RORA: variants seen among roughly 807,000 people sequenced by gnomAD.
The protein encoded by RORA is nuclear receptor ROR-alpha.
RORA carries 7 observed loss-of-function variants against 69.5 expected under a neutral mutation model. The observed-to-expected ratio is 0.10, with a 90% CI of 0.06 to 0.19. The LOEUF (loss-of-function observed/expected upper bound fraction) is 0.19. Among genes scored for constraint, RORA ranks in the 10% least tolerant of loss-of-function variants. The pLI is 1.00. For missense variants in RORA, 457 were observed against 663.0 expected (o/e 0.69, Z 3.41); for synonymous variants, 261 against 240.8 (o/e 1.08, Z -0.78).
intron 1 of RORA, among the ~76,000 whole-genome samples, chr15:61,188,331 T>C (rs1346561234): frequency 6.6e-6 from 1 of 152,190 alleles, no homozygotes; most frequent in Admixed American, 6.5e-5. Flanking sequence ...GGTGTGGCTG[T>C]GTTCGAATAA....
At chr15:60,769,919 C>G (rs1204954038) in intron 1 of RORA, among the ~76,000 whole-genome samples, 1 of 152,166 alleles carries the variant, frequency 6.6e-6, no homozygotes, top group East Asian at 1.9e-4. Flanking sequence ...AAATTATGCT[C>G]TATTATTTCC....
chr15:61,026,888 G>A (rs567639194), intron 1 of RORA, among the ~76,000 whole-genome samples: 31 of 152,076 alleles, frequency 2.0e-4, no homozygotes, highest in Admixed American at 5.9e-4. Context: ...CATAAAATAC[G>A]TTGTATTTTC....
At chr15:61,004,586 C>G (rs991984473) in intron 1 of RORA, among the ~76,000 whole-genome samples, 8 of 152,094 alleles carry the variant, frequency 5.3e-5, no homozygotes, top group African/African-American at 1.9e-4. Context: ...GGAGGGTACT[C>G]TGAACCCCCA....
chr15:60,717,796 C>CTTTTTTTTTTTTTTTTTTTTTTTTTCTTT (rs10653856), intron 1 of RORA, among the ~76,000 whole-genome samples: 3 of 91,974 alleles, frequency 3.3e-5, no homozygotes, highest in Admixed American at 1.3e-4. Flanking sequence ...TTCTTTTTCT[C>CTTTTTTTTTTTTTTTTTTTTTTTTTCTTT]TTTTTTTTTT....
At chr15:60,763,065 A>ATTTTTTTTTTTTTTTTTTTTTTTTTTTT (rs374433414) in intron 1 of RORA, among the ~76,000 whole-genome samples, 1 of 48,372 alleles carries the variant, frequency 2.1e-5, no homozygotes. Context: ...ATATGCACAG[A>ATTTTTTTTTTTTTTTTTTTTTTTTTTTT]TTTTTTTTTT....
At chr15:60,668,404 G>A (rs1265482857) in intron 2 of RORA, among the ~76,000 whole-genome samples, 1 of 152,200 alleles carries the variant, frequency 6.6e-6, no homozygotes, top group Non-Finnish European at 1.5e-5. Context: ...ACCAGGAAAA[G>A]AGCTGCTATT....
chr15:61,115,038 G>A lies in RORA; in HGVS notation c.166+114015C>T, dbSNP rs2079038047. Among the ~76,000 whole-genome samples, 3 of 152,198 alleles carry A rather than the reference G, an allele frequency of 2.0e-5. No individual in the cohort carries two copies. In the South Asian group the frequency reaches 6.2e-4, roughly 32 times the overall value. On this transcript the variant is annotated intron_variant, in intron 1 of 10. Transcript: ENST00000335670. Reference sequence around the variant, plus strand: ...TTATGTGAAAGATAGAGCAGAACATGTTGCGTGTACAGTAGGCACTATTTG... The same window carrying A: ...TTATGTGAAAGATAGAGCAGAACATATTGCGTGTACAGTAGGCACTATTTG...
intron 2 of RORA, among the ~76,000 whole-genome samples, chr15:60,551,990 G>A (rs2067239308): frequency 6.6e-6 from 1 of 152,214 alleles, no homozygotes; most frequent in African/African-American, 2.4e-5. Context: ...AGTGTAGGTG[G>A]TTGAACTTCG....
At chr15:60,702,478 C>T (rs569398974) in intron 1 of RORA, among the ~76,000 whole-genome samples, 66 of 152,110 alleles carry the variant, frequency 4.3e-4, no homozygotes, top group African/African-American at 6.0e-4. Flanking sequence ...GTGATCCGCC[C>T]GCCTCGGCCT....
At chr15:61,186,935 T>C (rs1159965631) in intron 1 of RORA, among the ~76,000 whole-genome samples, 1 of 152,210 alleles carries the variant, frequency 6.6e-6, no homozygotes, top group Non-Finnish European at 1.5e-5. Flanking sequence ...TGGCTTCTCT[T>C]GGGAAATGGC....
intron 1 of RORA, among the ~76,000 whole-genome samples, chr15:60,855,134 A>G (rs530479097): frequency 4.6e-5 from 7 of 152,346 alleles, no homozygotes; most frequent in Admixed American, 2.0e-4. Flanking sequence ...TAGCCCGCAT[A>G]TAACTTCTTG....
chr15:60,970,293 C>T (rs1361486633), intron 1 of RORA, among the ~76,000 whole-genome samples: 1 of 152,252 alleles, frequency 6.6e-6, no homozygotes. Context: ...ACTCAGCATG[C>T]TCTCTGGTTC....
rs553770660 is a variant in RORA, at chr15:60,888,187, T to C, written c.167-209501A>G. On this transcript the variant is annotated intron_variant, in intron 1 of 10. Transcript: ENST00000335670. Reference sequence around the variant, plus strand: ...CAACACTTCAATGGAGCAAGGGCTTTCTGTTGTTGTTGTACCTGCCCTCTT... The same window carrying C: ...CAACACTTCAATGGAGCAAGGGCTTCCTGTTGTTGTTGTACCTGCCCTCTT... Among the ~76,000 whole-genome samples the C allele has an allele frequency of 4.1e-4, 63 of 152,342 alleles. 1 individual carries two copies. Among genetic ancestry groups the C allele is most frequent in the African/African-American group, 1.5e-3 (63 of 41,582 alleles).
At chr15:60,671,066 TGATATATATA>T (rs1286086837) in intron 2 of RORA, among the ~76,000 whole-genome samples, 1 of 18,516 alleles carries the variant, frequency 5.4e-5, no homozygotes, top group Admixed American at 8.9e-4. Flanking sequence ...TATATCCCAT[TGATATATATA>T]TATATATATA....
At chr15:60,798,314 T>C (rs1014056293) in intron 1 of RORA, among the ~76,000 whole-genome samples, 8 of 151,874 alleles carry the variant, frequency 5.3e-5, no homozygotes, top group African/African-American at 1.5e-4. Flanking sequence ...ATTTTACCTA[T>C]GAAATATACT....
At chr15:60,523,046 A>C (rs1039595761) in intron 3 of RORA, among the ~76,000 whole-genome samples, 2 of 135,768 alleles carry the variant, frequency 1.5e-5, no homozygotes, top group African/African-American at 3.1e-5. Flanking sequence ...TCAAAAAAAA[A>C]ACACAAAAAA....
At chr15:61,181,682 A>G (rs2079687721) in intron 1 of RORA, among the ~76,000 whole-genome samples, 1 of 119,286 alleles carries the variant, frequency 8.4e-6, no homozygotes, top group African/African-American at 3.2e-5. Context: ...AGCTTTGGCA[A>G]AAAAAAAAAA....
At chr15:60,852,107 C>G (rs531779788) in intron 1 of RORA, among the ~76,000 whole-genome samples, 1 of 152,194 alleles carries the variant, frequency 6.6e-6, no homozygotes, top group Non-Finnish European at 1.5e-5. Context: ...GGCACACCAG[C>G]GCTTGAACCT....
intron 2 of RORA, among the ~76,000 whole-genome samples, chr15:60,611,221 C>T (rs1046912101): frequency 1.3e-5 from 2 of 152,062 alleles, no homozygotes; most frequent in Admixed American, 1.3e-4. Context: ...TGAATGGGTT[C>T]AATCTCTCAG....
Sources: allele counts gnomAD v4.1 joint callset (sites outside exome capture counted in the v4.1 genomes callset), GRCh38; gene constraint gnomAD v4.1.1; transcripts MANE v1.5; gene names NCBI Gene and HGNC (gene_info 2026-07-23, HGNC 2026-07-21).